Variants in CSMD3 observed in about 807,000 individuals in gnomAD.
CSMD3 encodes CUB and Sushi multiple domains 3.
A neutral mutation model predicts 435.2 loss-of-function variants in CSMD3; 177 were observed. The ratio of observed to expected loss-of-function variants is 0.41; its 90% confidence interval spans 0.36 to 0.46. CSMD3 has a LOEUF of 0.46. Among genes scored for constraint, CSMD3 ranks in the 20% least tolerant of loss-of-function variants. The pLI, the probability that CSMD3 is intolerant of heterozygous loss-of-function variation, is 0.34. For synonymous variants in CSMD3, 1,656 were observed against 1,520.5 expected, an observed-to-expected ratio of 1.09 and a Z score of -2.07; for missense variants, 4,265 against 4,504.6, an observed-to-expected ratio of 0.95 and a Z score of 1.52.
intron 3 of CSMD3, among the ~76,000 whole-genome samples, chr8:113,243,268 T>C (rs1409782618): frequency 1.3e-5 from 2 of 152,022 alleles, no homozygotes; most frequent in Non-Finnish European, 2.9e-5. Flanking sequence ...CTTTGCCCTT[T>C]TAAAACACAC....
intron 13 of CSMD3, among the ~76,000 whole-genome samples, chr8:112,759,101 A>G (rs2077772641): frequency 6.6e-6 from 1 of 152,266 alleles, no homozygotes; most frequent in Admixed American, 6.5e-5. Context: ...ACTCTATTAC[A>G]CAAGCTTTGG....
intron 7 of CSMD3, among the ~76,000 whole-genome samples, chr8:112,974,127 T>C (rs942086426): frequency 6.6e-6 from 1 of 151,924 alleles, no homozygotes; most frequent in African/African-American, 2.4e-5. Context: ...ATTGGGAATC[T>C]ACCCGGGAAG....
chr8:112,839,217 G>A (rs1039921492), intron 11 of CSMD3, among the ~76,000 whole-genome samples: 2 of 151,632 alleles, frequency 1.3e-5, no homozygotes, highest in Non-Finnish European at 1.5e-5. Context: ...GACACTGAGA[G>A]CTACTGATGG....
intron 10 of CSMD3, among the ~76,000 whole-genome samples, chr8:112,899,691 AC>A (rs2082055990): frequency 7.2e-6 from 1 of 139,684 alleles, no homozygotes; most frequent in African/African-American, 2.6e-5. Flanking sequence ...ACACACACAC[AC>A]GTATATAGCC....
chr8:113,037,853 G>C (rs2087427903), intron 5 of CSMD3, among the ~76,000 whole-genome samples: 1 of 152,082 alleles, frequency 6.6e-6, no homozygotes, highest in South Asian at 2.1e-4. Context: ...AAATCTGTAA[G>C]CACATTCAGG....
chr8:112,360,149 T>C (rs2131109279), intron 38 of CSMD3, among the ~76,000 whole-genome samples: 1 of 152,090 alleles, frequency 6.6e-6, no homozygotes, highest in East Asian at 1.9e-4. Context: ...TTCTTGGGAG[T>C]CCTGAACAGT....
chr8:113,231,964 C>T (rs1174307753), intron 3 of CSMD3, among the ~76,000 whole-genome samples: 1 of 151,458 alleles, frequency 6.6e-6, no homozygotes, highest in Non-Finnish European at 1.5e-5. Context: ...AGTAAAAATA[C>T]AACACAGGGA....
chr8:112,573,051 A>AAACT (rs1829663650), intron 24 of CSMD3, among the ~76,000 whole-genome samples: 1 of 152,140 alleles, frequency 6.6e-6, no homozygotes, highest in South Asian at 2.1e-4. Context: ...AAAGCAGAAC[A>AAACT]AACTAAAAGC....
intron 11 of CSMD3, among the ~76,000 whole-genome samples, chr8:112,853,223 C>CT (rs1382331648): frequency 2.6e-5 from 4 of 151,588 alleles, no homozygotes; most frequent in South Asian, 4.2e-4. Context: ...TTTCTTTTTT[C>CT]TTTTTTTTCT....
At chr8:113,175,830 T>C (rs2092339182) in intron 3 of CSMD3, among the ~76,000 whole-genome samples, 1 of 151,970 alleles carries the variant, frequency 6.6e-6, no homozygotes, top group Non-Finnish European at 1.5e-5. Flanking sequence ...CTCTAAAAAA[T>C]AATTAAGGTC....
intron 52 of CSMD3, among the ~76,000 whole-genome samples, chr8:112,303,571 A>G (rs1821127422): frequency 6.6e-6 from 1 of 152,082 alleles, no homozygotes; most frequent in Non-Finnish European, 1.5e-5. Context: ...CAAACAAACA[A>G]ACAAACAAAA....
intron 22 of CSMD3, among the ~76,000 whole-genome samples, chr8:112,635,554 C>G (rs577508965): frequency 2.0e-5 from 3 of 151,974 alleles, no homozygotes; most frequent in Admixed American, 6.6e-5. Flanking sequence ...GGAAAAGATG[C>G]CCTGAGAGTA....
At chr8:112,344,957 C>A (rs1825521913) in intron 41 of CSMD3, among the ~76,000 whole-genome samples, 1 of 151,860 alleles carries the variant, frequency 6.6e-6, no homozygotes, top group South Asian at 2.1e-4. Context: ...TTGATTACAG[C>A]AATAAGAAAA....
chr8:112,821,320 T>C (rs546117022), intron 12 of CSMD3, among the ~76,000 whole-genome samples: 2 of 152,246 alleles, frequency 1.3e-5, no homozygotes, highest in East Asian at 3.9e-4. Flanking sequence ...CTATTGTTTC[T>C]TGACTTTTTA....
intron 23 of CSMD3, among the ~76,000 whole-genome samples, chr8:112,579,055 A>G (rs1189108912): frequency 6.6e-6 from 1 of 152,088 alleles, no homozygotes; most frequent in Non-Finnish European, 1.5e-5. Flanking sequence ...CTGACAAACA[A>G]GAGTATTTCC....
chr8:112,407,371 C>G (rs180675742), intron 34 of CSMD3, among the ~76,000 whole-genome samples: 43 of 151,850 alleles, frequency 2.8e-4, no homozygotes, highest in African/African-American at 9.9e-4. Flanking sequence ...TTTAATTGTG[C>G]CTTTTTTTTG....
At chr8:113,430,765 C>T (rs1437236260) in intron 1 of CSMD3, among the ~76,000 whole-genome samples, 3 of 152,114 alleles carry the variant, frequency 2.0e-5, no homozygotes, top group Non-Finnish European at 4.4e-5. Flanking sequence ...TGTTATTTTC[C>T]GTCCAAGCAC....
intron 36 of CSMD3, among the ~76,000 whole-genome samples, chr8:112,389,301 A>C (rs527557998): frequency 1.3e-5 from 2 of 152,226 alleles, no homozygotes; most frequent in Non-Finnish European, 2.9e-5. Context: ...GATTATAACC[A>C]GATGATGTGG....
intron 22 of CSMD3, among the ~76,000 whole-genome samples, chr8:112,610,608 A>T (rs544059793): frequency 6.6e-6 from 1 of 152,318 alleles, no homozygotes; most frequent in Admixed American, 6.5e-5. Flanking sequence ...TAAATGTCCA[A>T]AGACCATTTT....
Sources: gnomAD v4.1 joint callset for allele counts (sites outside exome capture counted in the v4.1 genomes callset) on GRCh38, gnomAD v4.1.1 for gene constraint, MANE v1.5 for transcripts, NCBI Gene and HGNC (gene_info 2026-07-23, HGNC 2026-07-21) for gene names.